Variants in PPEF1 observed in about 807,000 individuals in gnomAD.
PPEF1 encodes the protein protein phosphatase with EF-hand domain 1.
PPEF1 carries 12 observed loss-of-function variants against 53.3 expected under a neutral mutation model. That is an observed-to-expected ratio of 0.23 (90% confidence interval 0.14 to 0.36). The LOEUF is 0.36. Among genes scored for constraint, PPEF1 ranks in the 10% least tolerant of loss-of-function variants. PPEF1 has a pLI of 1.00. For missense variants in PPEF1, 334 were observed against 490.4 expected (o/e 0.68, Z 3.01); for synonymous variants, 165 against 176.7 (o/e 0.93, Z 0.52).
At chrX:18,680,429 C>T (rs868288113), upstream of PPEF1, among the ~76,000 whole-genome samples, 12 of 78,671 alleles carry the variant, frequency 1.5e-4, no homozygotes, top group East Asian at 4.0e-4. Flanking sequence ...AATTTCTTCT[C>T]TTTTTTTTTT....
intron 10 of PPEF1, among the ~76,000 whole-genome samples, chrX:18,790,042 AC>A (rs1249667248): frequency 8.9e-6 from 1 of 112,271 alleles, no homozygotes; most frequent in Admixed American, 9.4e-5. Flanking sequence ...AAGTGGCTGC[AC>A]CATTTTACAT....
intron 6 of PPEF1, among the ~76,000 whole-genome samples, chrX:18,765,840 G>T (rs1298355044): frequency 1.8e-5 from 2 of 110,475 alleles, no homozygotes; most frequent in Non-Finnish European, 3.8e-5. Flanking sequence ...GAGGTGGACG[G>T]ATCACTTGAG....
intron 4 of PPEF1, chrX:18,691,293 TG>T (rs751585216): frequency 8.9e-6 from 1 of 112,248 alleles, no homozygotes; most frequent in Admixed American, 9.4e-5. Context: ...CTTGATGTGC[TG>T]GTCACTGAGT....
At chrX:18,800,655 T>C (rs1000953429) in intron 10 of PPEF1, among the ~76,000 whole-genome samples, 1 of 111,884 alleles carries the variant, frequency 8.9e-6, no homozygotes, top group Non-Finnish European at 1.9e-5. Flanking sequence ...AGGAGCTCAT[T>C]GAATGCTTGT....
chrX:18,707,140 T>TA (rs397970829), upstream of PPEF1, among the ~76,000 whole-genome samples: 1 of 111,330 alleles, frequency 9.0e-6, no homozygotes, highest in African/African-American at 3.3e-5. Flanking sequence ...TCCTTTTTTT[T>TA]AAAACAAATG....
At chrX:18,712,153 A>G (rs2044345945) in intron 1 of PPEF1, among the ~76,000 whole-genome samples, 1 of 111,786 alleles carries the variant, frequency 8.9e-6, no homozygotes, top group Admixed American at 9.5e-5. Flanking sequence ...GGTCCCTTAC[A>G]TTTCCATATG....
intron 2 of PPEF1, 142 bp downstream of exon 2, chrX:18,730,450 G>A (rs1198666431): frequency 1.4e-6 from 1 of 717,540 alleles, no homozygotes; most frequent in Non-Finnish European, 2.0e-6. Context: ...ACATTGTCTT[G>A]GAACTAGTTA....
chrX:18,757,603 A>G, intron 4 of PPEF1, 24 bp from the exon 5 acceptor site: 1 of 1,107,958 alleles, frequency 9.0e-7, no homozygotes, highest in South Asian at 1.9e-5. Flanking sequence ...CATTACATCT[A>G]TTTCCTCTGC....
At chrX:18,766,080 A>G (rs1164976192) in intron 6 of PPEF1, among the ~76,000 whole-genome samples, 7 of 106,275 alleles carry the variant, frequency 6.6e-5, no homozygotes, top group Admixed American at 4.1e-4. Context: ...AAAAAAAAAA[A>G]AAAAGAAAAA....
intron 1 of PPEF1, among the ~76,000 whole-genome samples, chrX:18,709,502 G>GTTTTTTTT (rs752416903): frequency 4.0e-5 from 4 of 101,097 alleles, no homozygotes; most frequent in Admixed American, 1.2e-4. Flanking sequence ...TTTGTTTTTT[G>GTTTTTTTT]TTTTTTGTTT....
At chrX:18,731,219 A>G (rs919090016) in intron 2 of PPEF1, among the ~76,000 whole-genome samples, 1 of 112,485 alleles carries the variant, frequency 8.9e-6, no homozygotes, top group African/African-American at 3.2e-5. Context: ...AAAGATACAC[A>G]GGAAATTGTT....
intron 3 of PPEF1, among the ~76,000 whole-genome samples, chrX:18,741,776 T>C (rs1186762338): frequency 4.9e-5 from 5 of 101,408 alleles, no homozygotes; most frequent in African/African-American, 1.9e-4. Flanking sequence ...CTGCTTCTTT[T>C]TTTTTTTTTT....
intron 3 of PPEF1, among the ~76,000 whole-genome samples, chrX:18,737,352 A>G (rs529679851): frequency 8.9e-6 from 1 of 112,199 alleles, no homozygotes; most frequent in East Asian, 2.8e-4. Flanking sequence ...TTCAAAGAAC[A>G]TCTTTATTTC....
At chrX:18,763,199 TGG>T (rs1265905424) in intron 6 of PPEF1, among the ~76,000 whole-genome samples, 1 of 111,722 alleles carries the variant, frequency 9.0e-6, no homozygotes, top group Non-Finnish European at 1.9e-5. Flanking sequence ...GTCCAGGTGC[TGG>T]GGTGATTACC....
chrX:18,738,192 G>A lies in PPEF1; in HGVS notation c.235+4384G>A, dbSNP rs188033551. ...ATGATGTTAGCTGGTTATTTTTCTC[G>A]TTAGTTGATGCAGTTTCTTCCTAGC... is the stretch of plus-strand genomic sequence containing the variant. On this transcript the variant is annotated intron_variant, in intron 3 of 15. Transcript: ENST00000470157. 6.5e-3 allele frequency among the ~76,000 whole-genome samples: 721 copies of A among 111,127 alleles called. 10 individuals are homozygous for A. The highest frequency in any genetic ancestry group is 0.021 in the African/African-American group (648 of 30,543).
At chrX:18,724,988 T>G (rs1308154630) in intron 1 of PPEF1, among the ~76,000 whole-genome samples, 1 of 111,008 alleles carries the variant, frequency 9.0e-6, no homozygotes, top group African/African-American at 3.3e-5. Context: ...CTGGAGAGGT[T>G]TCCTTGGGAA....
intron 3 of PPEF1, among the ~76,000 whole-genome samples, chrX:18,747,150 A>G (rs1264535005): frequency 9.0e-6 from 1 of 111,684 alleles, no homozygotes; most frequent in Non-Finnish European, 1.9e-5. Flanking sequence ...CAATAAAGAC[A>G]GAGTGCTGGG....
intron 10 of PPEF1, among the ~76,000 whole-genome samples, chrX:18,797,604 G>A (rs1312070532): frequency 1.8e-5 from 2 of 112,016 alleles, no homozygotes; most frequent in African/African-American, 3.2e-5. Context: ...ATAAAGATCC[G>A]TTACCTTGCA....
chrX:18,822,486 A>C (rs1188397907), intron 13 of PPEF1, among the ~76,000 whole-genome samples: 2 of 110,977 alleles, frequency 1.8e-5, no homozygotes, highest in Admixed American at 1.9e-4. Flanking sequence ...ACTGTGGGAG[A>C]AACCTAATGA....
Sources: allele counts gnomAD v4.1 joint callset (sites outside exome capture counted in the v4.1 genomes callset), GRCh38; gene constraint gnomAD v4.1.1; transcripts MANE v1.5; gene names NCBI Gene and HGNC (gene_info 2026-07-23, HGNC 2026-07-21).